The following PHF24 variants were observed in gnomAD, a reference collection of about 807,000 sequenced individuals.
PHF24 encodes PHD finger protein 24.
A neutral mutation model predicts 42.6 loss-of-function variants in PHF24; 25 were observed. The ratio of observed to expected loss-of-function variants is 0.59; its 90% confidence interval spans 0.43 to 0.82. The LOEUF (loss-of-function observed/expected upper bound fraction) is 0.82. Ranked by LOEUF, PHF24 falls within the 40% of genes least tolerant of loss-of-function variation. The pLI, the probability that PHF24 is intolerant of heterozygous loss-of-function variation, is 0.00. For missense variants in PHF24, 470 were observed against 538.1 expected (o/e 0.87, Z 1.25); for synonymous variants, 185 against 204.8 (o/e 0.90, Z 0.83).
the PHF24 span, among the ~76,000 whole-genome samples, chr9:34,813,764 C>A: frequency 4.6e-5 from 7 of 152,280 alleles, no homozygotes; most frequent in East Asian, 7.7e-4. Context: ...TTCTGCTCAC[C>A]TTTGCCATGT....
the PHF24 span, chr9:34,893,010 GC>G: frequency 1.2e-6 from 1 of 833,188 alleles, no homozygotes; most frequent in Non-Finnish European, 2.0e-6. Flanking sequence ...CCCTGTGATG[GC>G]CCCAGTGAAG....
the PHF24 span, among the ~76,000 whole-genome samples, chr9:34,925,113 CTT>C: frequency 6.6e-6 from 1 of 152,072 alleles, no homozygotes; most frequent in Non-Finnish European, 1.5e-5. Flanking sequence ...TGAATAATAG[CTT>C]TGCTGGCTAT....
chr9:34,938,241 C>A, the PHF24 span, among the ~76,000 whole-genome samples: 9 of 152,300 alleles, frequency 5.9e-5, no homozygotes, highest in South Asian at 1.4e-3. Flanking sequence ...CAGGAGACTC[C>A]CCAGGCAGTG....
At chr9:34,673,501 C>T in the PHF24 span, among the ~76,000 whole-genome samples, 3 of 151,724 alleles carry the variant, frequency 2.0e-5, no homozygotes, top group African/African-American at 7.3e-5. Context: ...GATGGAGCCT[C>T]GCTCTGTTGC....
the PHF24 span, among the ~76,000 whole-genome samples, chr9:34,944,688 A>G: frequency 6.6e-6 from 1 of 152,116 alleles, no homozygotes; most frequent in African/African-American, 2.4e-5. Flanking sequence ...ACTGTAGCAT[A>G]ATAGACCTGC....
the PHF24 span, among the ~76,000 whole-genome samples, chr9:34,705,972 A>G: frequency 2.6e-5 from 4 of 152,208 alleles, no homozygotes; most frequent in African/African-American, 9.6e-5. Flanking sequence ...TTCTACGTAT[A>G]TCTTAAACAT....
At chr9:34,981,148 C>A (rs1259734245) in exon 8 of PHF24, 1 of 152,258 alleles carries the variant, frequency 6.6e-6, no homozygotes, top group South Asian at 2.1e-4. Context: ...CATTTGAGGA[C>A]ACCTACAGTA....
chr9:34,948,312 A>G, the PHF24 span, among the ~76,000 whole-genome samples: 1 of 152,146 alleles, frequency 6.6e-6, no homozygotes, highest in African/African-American at 2.4e-5. Flanking sequence ...AGAAAGAAAA[A>G]CATTAAAAAT....
At chr9:34,708,440 C>T in the PHF24 span, among the ~76,000 whole-genome samples, 2 of 152,152 alleles carry the variant, frequency 1.3e-5, no homozygotes, top group African/African-American at 2.4e-5. Flanking sequence ...GAGGTCAAGG[C>T]CCGAGCTTCA....
chr9:34,963,087 A>G (rs1826647703), intron 1 of PHF24, among the ~76,000 whole-genome samples: 1 of 152,104 alleles, frequency 6.6e-6, no homozygotes, highest in South Asian at 2.1e-4. Flanking sequence ...GAATACTAAA[A>G]TTAGTTTCTA....
chr9:34,781,874 A>C, the PHF24 span, among the ~76,000 whole-genome samples: 1 of 152,014 alleles, frequency 6.6e-6, no homozygotes, highest in South Asian at 2.1e-4. Context: ...TATCTGCAAA[A>C]CTCTGTATTA....
At chr9:34,892,937 C>A in the PHF24 span, 1 of 685,160 alleles carries the variant, frequency 1.5e-6, no homozygotes, top group Non-Finnish European at 2.7e-6. Context: ...TTTCGGGGAG[C>A]CCAGATCCTG....
chr9:34,717,535 A>C, the PHF24 span, among the ~76,000 whole-genome samples: 1 of 149,862 alleles, frequency 6.7e-6, no homozygotes, highest in Admixed American at 6.7e-5. Flanking sequence ...GCTGCTGAAG[A>C]GGGCAGTGGA....
chr9:34,799,657 C>T, the PHF24 span, among the ~76,000 whole-genome samples: 1 of 152,058 alleles, frequency 6.6e-6, no homozygotes, highest in Non-Finnish European at 1.5e-5. Flanking sequence ...TGATTTTTCC[C>T]TAAGGGATTG....
At chr9:34,667,729 C>G in the PHF24 span, among the ~76,000 whole-genome samples, 2 of 152,160 alleles carry the variant, frequency 1.3e-5, no homozygotes, top group Admixed American at 6.5e-5. Flanking sequence ...TCCGCAGTCT[C>G]CAGTTTGTGC....
At chr9:34,943,986 A>T in the PHF24 span, among the ~76,000 whole-genome samples, 4 of 152,238 alleles carry the variant, frequency 2.6e-5, no homozygotes, top group East Asian at 5.8e-4. Flanking sequence ...CTGCCATAAG[A>T]CATAATCAAC....
the PHF24 span, among the ~76,000 whole-genome samples, chr9:34,704,693 GGGTGT>G: frequency 1.9e-4 from 29 of 152,116 alleles, no homozygotes; most frequent in African/African-American, 6.8e-4. Context: ...AAAATTAGCT[GGGTGT>G]GGTGGTGTGT....
the PHF24 span, chr9:34,832,913 C>A: frequency 1.9e-6 from 3 of 1,551,668 alleles, no homozygotes; most frequent in Non-Finnish European, 2.6e-6. Flanking sequence ...CTCTTTCTCC[C>A]CAGGGACTCG....
chr9:34,880,234 C>T, the PHF24 span, among the ~76,000 whole-genome samples: 417 of 152,314 alleles, frequency 2.7e-3, 1 homozygote, highest in African/African-American at 9.2e-3. Flanking sequence ...CGGTACCAGC[C>T]ACTGCAAAAA....
Sources: gnomAD v4.1 joint callset for allele counts (sites outside exome capture counted in the v4.1 genomes callset) on GRCh38, gnomAD v4.1.1 for gene constraint, MANE v1.5 for transcripts, NCBI Gene and HGNC (gene_info 2026-07-23, HGNC 2026-07-21) for gene names.